Variants in DLG2 observed in about 807,000 individuals in gnomAD.
The protein encoded by DLG2 is disks large homolog 2.
In DLG2, 45 loss-of-function variants were observed where a neutral mutation model predicts 132.5. That is an observed-to-expected ratio of 0.34 (90% CI 0.27 to 0.44). The LOEUF (loss-of-function observed/expected upper bound fraction) is 0.44. Among genes scored for constraint, DLG2 ranks in the 20% least tolerant of loss-of-function variants. The pLI, the probability that DLG2 is intolerant of heterozygous loss-of-function variation, is 1.00. For missense variants in DLG2, 1,045 were observed against 1,196.9 expected, an observed-to-expected ratio of 0.87 and a Z score of 1.87; for synonymous variants, 424 against 419.6, an observed-to-expected ratio of 1.01 and a Z score of -0.13.
intron 6 of DLG2, among the ~76,000 whole-genome samples, chr11:84,688,112 T>C (rs1043528397): frequency 6.6e-6 from 1 of 152,182 alleles, no homozygotes; most frequent in African/African-American, 2.4e-5. Flanking sequence ...GAGACATCAC[T>C]GAGCAGTAGG....
chr11:85,049,693 G>A (rs963430573), intron 6 of DLG2, among the ~76,000 whole-genome samples: 4 of 151,952 alleles, frequency 2.6e-5, no homozygotes, highest in African/African-American at 7.2e-5. Flanking sequence ...AATATAAACC[G>A]GGACGTAAGT....
At chr11:84,720,541 A>T (rs2061693820) in intron 6 of DLG2, 1 of 959,760 alleles carries the variant, frequency 1.0e-6, no homozygotes, top group African/African-American at 1.8e-5. Context: ...CCCCGGTGGA[A>T]GCAACGCCGC....
chr11:83,757,959 TACAA>T (rs912914296), intron 18 of DLG2, among the ~76,000 whole-genome samples: 1 of 152,192 alleles, frequency 6.6e-6, no homozygotes, highest in Non-Finnish European at 1.5e-5. Flanking sequence ...ACTTGGTTAA[TACAA>T]ACAAAGCTAA....
intron 7 of DLG2, among the ~76,000 whole-genome samples, chr11:84,435,193 T>C (rs950078678): frequency 1.4e-4 from 21 of 152,210 alleles, no homozygotes; most frequent in African/African-American, 5.1e-4. Flanking sequence ...GAATACATTA[T>C]GTAAATTAAT....
chr11:85,110,676 CTT>C (rs1298436560), intron 6 of DLG2, among the ~76,000 whole-genome samples: 3 of 152,064 alleles, frequency 2.0e-5, no homozygotes, highest in Non-Finnish European at 4.4e-5. Flanking sequence ...AGCTTAATCT[CTT>C]ACACAATCTG....
intron 18 of DLG2, among the ~76,000 whole-genome samples, chr11:83,648,465 C>T (rs944699264): frequency 6.6e-6 from 1 of 152,100 alleles, no homozygotes; most frequent in Non-Finnish European, 1.5e-5. Flanking sequence ...ACTAAGTCAT[C>T]TTTTGATGGG....
At chr11:85,037,050 G>A (rs1157257272) in intron 6 of DLG2, among the ~76,000 whole-genome samples, 2 of 152,192 alleles carry the variant, frequency 1.3e-5, no homozygotes, top group African/African-American at 4.8e-5. Context: ...GGCACGTGGT[G>A]CAGCCTGCCA....
rs531062909 is a variant in DLG2, at chr11:85,430,380, T to C, written c.41-145015A>G. On this transcript the variant is annotated intron_variant, in intron 3 of 27. Coordinates refer to ENST00000376104, the MANE Select transcript of DLG2 (RefSeq NM_001142699.3). ...AAAAAAAGAAAAAGAAAGAAAAAAA[T>C]TTACATGATTGAAATGTTAATTGTG... is the stretch of plus-strand genomic sequence containing the variant. Among the ~76,000 whole-genome samples, 112 of 151,604 alleles carry C rather than the reference T, an allele frequency of 7.4e-4. No individual in the cohort carries two copies. In the Middle Eastern group the frequency reaches 0.014, roughly 19 times the overall value.
At chr11:85,160,790 A>G (rs982222080) in intron 4 of DLG2, among the ~76,000 whole-genome samples, 2 of 152,090 alleles carry the variant, frequency 1.3e-5, no homozygotes, top group African/African-American at 4.8e-5. Flanking sequence ...TGACAGAGGA[A>G]AAGACTAGGG....
intron 3 of DLG2, among the ~76,000 whole-genome samples, chr11:85,588,767 T>G (rs1252565197): frequency 1.3e-5 from 2 of 152,158 alleles, no homozygotes; most frequent in African/African-American, 4.8e-5. Context: ...CATCTTGTCA[T>G]ATTTTCTGAT....
At chr11:83,526,484 G>T (rs2095613561) in intron 21 of DLG2, among the ~76,000 whole-genome samples, 1 of 152,090 alleles carries the variant, frequency 6.6e-6, no homozygotes, top group African/African-American at 2.4e-5. Context: ...CGTGCTAGGT[G>T]CTGGGGCATA....
chr11:84,095,495 A>T (rs2154174832), intron 10 of DLG2, among the ~76,000 whole-genome samples: 1 of 152,328 alleles, frequency 6.6e-6, no homozygotes, highest in East Asian at 1.9e-4. Flanking sequence ...ATGGTGAGAT[A>T]AAACATACTC....
At chr11:85,371,212 G>A (rs2084948616) in intron 3 of DLG2, among the ~76,000 whole-genome samples, 2 of 152,142 alleles carry the variant, frequency 1.3e-5, no homozygotes, top group Admixed American at 1.3e-4. Flanking sequence ...AAATGTTCAT[G>A]AATATCAAGC....
chr11:83,725,433 T>A (rs1246148167), intron 18 of DLG2: 1 of 152,532 alleles, frequency 6.6e-6, no homozygotes, highest in Non-Finnish European at 1.5e-5. Flanking sequence ...ATCTGCTGGC[T>A]CCCCTTAGGC....
chr11:84,603,295 A>G (rs2099579906), intron 6 of DLG2, among the ~76,000 whole-genome samples: 1 of 151,956 alleles, frequency 6.6e-6, no homozygotes, highest in Admixed American at 6.6e-5. Context: ...GATGGTCTGA[A>G]CATAGCAGAC....
At chr11:85,395,703 A>T (rs1032879367) in intron 3 of DLG2, among the ~76,000 whole-genome samples, 63 of 138,094 alleles carry the variant, frequency 4.6e-4, no homozygotes, top group African/African-American at 1.6e-3. Flanking sequence ...TGACAGGGGG[A>T]GGGGCGTCTG....
intron 18 of DLG2, among the ~76,000 whole-genome samples, chr11:83,672,780 A>G (rs927579442): frequency 6.6e-6 from 1 of 152,154 alleles, no homozygotes; most frequent in African/African-American, 2.4e-5. Flanking sequence ...AGAAACTCTC[A>G]GGCTGGATGC....
chr11:84,254,912 C>A (rs1253935406), intron 7 of DLG2, among the ~76,000 whole-genome samples: 1 of 152,138 alleles, frequency 6.6e-6, no homozygotes, highest in Non-Finnish European at 1.5e-5. Context: ...TAAAAATAAA[C>A]ATATATCACA....
chr11:84,239,718 C>T (rs1055804093), intron 8 of DLG2, among the ~76,000 whole-genome samples: 11 of 152,142 alleles, frequency 7.2e-5, no homozygotes, highest in African/African-American at 2.7e-4. Context: ...TGTTTGCAAG[C>T]GTGCTCCCCG....
Sources: gnomAD v4.1 joint callset for allele counts (sites outside exome capture counted in the v4.1 genomes callset) on GRCh38, gnomAD v4.1.1 for gene constraint, MANE v1.5 for transcripts, NCBI Gene and HGNC (gene_info 2026-07-23, HGNC 2026-07-21) for gene names.